The following SNX10 variants were observed in gnomAD, a reference collection of about 807,000 sequenced individuals.
SNX10 encodes sorting nexin 10, also known as sorting nexin-10.
In SNX10, 25 loss-of-function variants were observed where a neutral mutation model predicts 28.5. The observed-to-expected ratio is 0.88, with a 90% CI of 0.64 to 1.22. The LOEUF (loss-of-function observed/expected upper bound fraction) is 1.22. Among genes scored for constraint, SNX10 ranks in the 50% most tolerant of loss-of-function variants. The pLI is 0.00. For missense variants in SNX10, 223 were observed against 242.6 expected (o/e 0.92, Z 0.54); for synonymous variants, 62 against 81.4 (o/e 0.76, Z 1.28).
intron 1 of SNX10, among the ~76,000 whole-genome samples, chr7:26,313,112 G>T (rs1786916786): frequency 6.6e-6 from 1 of 152,212 alleles, no homozygotes; most frequent in Non-Finnish European, 1.5e-5. Flanking sequence ...GGGTGCTGGT[G>T]AAATGAAGTG....
intron 1 of SNX10, among the ~76,000 whole-genome samples, chr7:26,342,209 T>C (rs1400042690): frequency 8.5e-5 from 13 of 152,204 alleles, no homozygotes; most frequent in African/African-American, 3.1e-4. Flanking sequence ...GTATTTTTAG[T>C]AGAGACGGGG....
chr7:26,304,797 T>G (rs1410528810), intron 1 of SNX10, among the ~76,000 whole-genome samples: 2 of 152,224 alleles, frequency 1.3e-5, no homozygotes, highest in Admixed American at 1.3e-4. Context: ...TCAAACTGTT[T>G]AATTACTTTT....
rs529788353 is a variant in SNX10, at chr7:26,292,673, T to C, written c.-24+587T>C. ...TACTTTTCTCAAATTACACGGATTA[T>C]TGAGGGGGATCGTCACGGAATGGGG... On this transcript the variant is annotated intron_variant, in intron 1 of 6. Transcript: ENST00000338523. Among the ~76,000 whole-genome samples the C allele has an allele frequency of 2.6e-5, 4 of 152,280 alleles. No individual in the cohort carries two copies. In the East Asian group the frequency reaches 5.8e-4, roughly 22 times the overall value.
chr7:26,372,018 A>T lies in SNX10; in HGVS notation c.509A>T (p.Asp170Val). The change falls in exon 6 of 7, where the codon GAT becomes GTT. Residue 170 changes from aspartate (D) to valine (V), a missense_variant. Coordinates refer to ENST00000338523, the MANE Select transcript of SNX10 (RefSeq NM_013322.3). ...DEEGKKENDI[D>V]YDSESSSSGL... Reference sequence around the variant, plus strand: ...GAAGGAAAAAAAGAAAATGATATAGATTATGATTCAGAAAGGTATTTCCTT... The same window carrying T: ...GAAGGAAAAAAAGAAAATGATATAGTTTATGATTCAGAAAGGTATTTCCTT... 6.2e-7 allele frequency: 1 copy of T among 1,601,540 alleles called. No individual in the cohort carries two copies.
At chr7:26,337,089 CA>C (rs1787972617) in intron 1 of SNX10, among the ~76,000 whole-genome samples, 1 of 152,212 alleles carries the variant, frequency 6.6e-6, no homozygotes, top group Non-Finnish European at 1.5e-5. Flanking sequence ...TCCCATTTCT[CA>C]TGATCCTTGC....
intron 1 of SNX10, among the ~76,000 whole-genome samples, chr7:26,329,610 G>C (rs910362210): frequency 6.6e-6 from 1 of 151,546 alleles, no homozygotes; most frequent in Admixed American, 6.5e-5. Context: ...ACAAGCGTTA[G>C]TTTGCTTAGT....
At chr7:26,313,914 C>G (rs1786950055) in intron 1 of SNX10, among the ~76,000 whole-genome samples, 1 of 152,062 alleles carries the variant, frequency 6.6e-6, no homozygotes, top group East Asian at 1.9e-4. Flanking sequence ...TCAAGTGATT[C>G]TCCTGTCTCA....
chr7:26,332,143 T>A (rs888159743), intron 1 of SNX10, among the ~76,000 whole-genome samples: 2 of 152,232 alleles, frequency 1.3e-5, no homozygotes, highest in African/African-American at 4.8e-5. Flanking sequence ...GTATATTTAA[T>A]TCTTCAAGAA....
intron 5 of SNX10, among the ~76,000 whole-genome samples, chr7:26,371,283 T>TA (rs1442472818): frequency 1.3e-5 from 2 of 152,104 alleles, no homozygotes; most frequent in African/African-American, 4.8e-5. Flanking sequence ...CCTTAAGTAT[T>TA]AAAAAAAGCC....
At chr7:26,294,131 G>C (rs1158005655) in intron 1 of SNX10, among the ~76,000 whole-genome samples, 1 of 152,236 alleles carries the variant, frequency 6.6e-6, no homozygotes, top group Non-Finnish European at 1.5e-5. Context: ...TAGCATGGCG[G>C]AGAAGGGCTT....
intron 5 of SNX10, among the ~76,000 whole-genome samples, chr7:26,366,822 C>T (rs1409013831): frequency 6.6e-6 from 1 of 152,176 alleles, no homozygotes; most frequent in Non-Finnish European, 1.5e-5. Context: ...TGAACACAAC[C>T]TTTCTATCCA....
intron 1 of SNX10, among the ~76,000 whole-genome samples, chr7:26,293,788 C>A (rs1786011915): frequency 6.6e-6 from 1 of 152,134 alleles, no homozygotes; most frequent in Non-Finnish European, 1.5e-5. Context: ...CTGGTACACA[C>A]TTCCTCTTAT....
At chr7:26,311,446 T>G (rs1161313715) in intron 1 of SNX10, among the ~76,000 whole-genome samples, 1 of 152,226 alleles carries the variant, frequency 6.6e-6, no homozygotes, top group Non-Finnish European at 1.5e-5. Context: ...GCTTAAAATT[T>G]TTTTCTATCA....
intron 1 of SNX10, among the ~76,000 whole-genome samples, chr7:26,310,080 T>C (rs1786761896): frequency 6.6e-6 from 1 of 152,218 alleles, no homozygotes; most frequent in Non-Finnish European, 1.5e-5. Context: ...GGAGGAAAGA[T>C]AGAAAACAGA....
At chr7:26,338,704 G>A (rs1312900124) in intron 1 of SNX10, among the ~76,000 whole-genome samples, 3 of 152,022 alleles carry the variant, frequency 2.0e-5, no homozygotes, top group South Asian at 2.1e-4. Context: ...GGGCCCGGCC[G>A]GATTAGAGTT....
intron 1 of SNX10, among the ~76,000 whole-genome samples, chr7:26,334,027 G>C (rs1480229397): frequency 2.0e-5 from 3 of 152,180 alleles, no homozygotes; most frequent in Non-Finnish European, 2.9e-5. Flanking sequence ...CCCAGCTTCT[G>C]AGATTTATCT....
intron 1 of SNX10, among the ~76,000 whole-genome samples, chr7:26,318,542 A>C (rs1461310424): frequency 6.6e-6 from 1 of 152,148 alleles, no homozygotes. Context: ...ATCATGGCTC[A>C]CTGCAATCTC....
At chr7:26,328,749 CCTT>C (rs375254194) in intron 1 of SNX10, among the ~76,000 whole-genome samples, 32 of 152,278 alleles carry the variant, frequency 2.1e-4, no homozygotes, top group African/African-American at 7.7e-4. Flanking sequence ...GGGGAGAATG[CCTT>C]CTTTCCCATC....
chr7:26,370,259 T>C (rs1244987395), intron 5 of SNX10: 1 of 152,198 alleles, frequency 6.6e-6, no homozygotes, highest in Non-Finnish European at 1.5e-5. Context: ...CTGAAGTATT[T>C]AAAAACAAGA....
Sources: gnomAD v4.1 joint callset for allele counts (sites outside exome capture counted in the v4.1 genomes callset) on GRCh38, gnomAD v4.1.1 for gene constraint, MANE v1.5 for transcripts, NCBI Gene and HGNC (gene_info 2026-07-23, HGNC 2026-07-21) for gene names.